Variants in IPO8 observed in about 807,000 individuals in gnomAD.
IPO8 encodes the protein importin 8.
In IPO8, 65 loss-of-function variants were observed where a neutral mutation model predicts 141.2. That is an observed-to-expected ratio of 0.46 (90% CI 0.38 to 0.57). The LOEUF (loss-of-function observed/expected upper bound fraction) is 0.57, where lower values mean the gene tolerates loss of function less well. Ranked by LOEUF, IPO8 falls within the 20% of genes least tolerant of loss-of-function variation. The pLI, the probability that IPO8 is intolerant of heterozygous loss-of-function variation, is 0.00. For synonymous variants in IPO8, 411 were observed against 420.3 expected, an observed-to-expected ratio of 0.98 and a Z score of 0.27; for missense variants, 980 against 1,246.8, an observed-to-expected ratio of 0.79 and a Z score of 3.22.
chr12:30,665,581 A>G (rs1472115179), intron 12 of IPO8, 148 bp downstream of exon 12: 3 of 627,782 alleles, frequency 4.8e-6, no homozygotes, highest in African/African-American at 1.8e-5. Context: ...CTTTTTAATT[A>G]AAGAAATAGA....
At position 30,694,863 on chromosome 12, in the gene IPO8, T is replaced by C. The variant is rs1014680557; in HGVS notation, c.84+701A>G. On this transcript the variant is annotated intron_variant, in intron 1 of 24. Coordinates refer to ENST00000256079, the MANE Select transcript of IPO8 (RefSeq NM_006390.4). ...GTTTGGGATCATTAAAATTTTGAAG[T>C]GTGGGGGTAACGCTGGAAAGACGTC... 3 of 383,298 alleles carry C rather than the reference T, an allele frequency of 7.8e-6. No individual in the cohort carries two copies. The Admixed American group carries it at 9.1e-5, about 12-fold the overall frequency. The allele number at this position is 383,298 out of a possible 1,614,324, so 23.7% of individuals were successfully genotyped here.
At chr12:30,675,663 TA>T (rs963221474) in intron 6 of IPO8, among the ~76,000 whole-genome samples, 39 of 127,140 alleles carry the variant, frequency 3.1e-4, no homozygotes, top group East Asian at 6.6e-4. Context: ...CTGTCTCTAC[TA>T]AAAAAAAAAA....
chr12:30,681,558 T>G (rs2053188619), intron 4 of IPO8, 101 bp downstream of exon 4: 9 of 1,080,214 alleles, frequency 8.3e-6, no homozygotes, highest in Non-Finnish European at 1.2e-5. Flanking sequence ...CAAACTAATC[T>G]GATAACCTGT....
At chr12:30,690,368 T>A in intron 2 of IPO8, 128 bp downstream of exon 2, 1 of 621,658 alleles carries the variant, frequency 1.6e-6, no homozygotes, top group Non-Finnish European at 2.8e-6. Flanking sequence ...TTGAAGTCAC[T>A]GGAAATACTT....
intron 5 of IPO8, among the ~76,000 whole-genome samples, chr12:30,679,135 G>A (rs768397473): frequency 5.3e-5 from 8 of 152,070 alleles, no homozygotes; most frequent in Admixed American, 1.3e-4. Context: ...CACTGCACCC[G>A]GCTGCTCATA....
chr12:30,632,027 A>T lies in IPO8; in HGVS notation c.2900-16T>A. The T allele has an allele frequency of 6.5e-7, 1 of 1,532,116 alleles. No individual in the cohort carries two copies. The highest frequency in any genetic ancestry group is 9.0e-7 in the Non-Finnish European group (1 of 1,109,786). 94.9% of individuals were successfully genotyped at this position (1,532,116 alleles called of 1,614,324 possible). ...CTCTGCACAGCTGTTGCATTTTGGG[A>T]GGAAAAGACAGGAGGGTACAGCGAC... On this transcript the variant is annotated splice_polypyrimidine_tract_variant and intron_variant, in intron 23 of 24. Coordinates refer to ENST00000256079, the MANE Select transcript of IPO8 (RefSeq NM_006390.4).
intron 23 of IPO8, 81 bp from the exon 24 acceptor site, chr12:30,632,092 A>C: frequency 1.1e-6 from 1 of 890,350 alleles, no homozygotes; most frequent in Non-Finnish European, 1.8e-6. Flanking sequence ...ATCAAATTAC[A>C]AAGAAATTAT....
At chr12:30,652,432 C>T (rs1048606716) in intron 18 of IPO8, 143 bp from the exon 19 acceptor site, 2 of 639,010 alleles carry the variant, frequency 3.1e-6, no homozygotes, top group Non-Finnish European at 5.6e-6. Context: ...AGTAATAAGT[C>T]TGATGTGTAT....
rs774062463 is a variant in IPO8 at position 30,666,175 on chromosome 12, CTCTTT to C, written c.1216_1220del (p.Lys406GlyfsTer19). 12 of 1,561,328 alleles carry C rather than the reference CTCTTT, an allele frequency of 7.7e-6. No individual in the cohort carries two copies. The highest frequency in any genetic ancestry group is 8.7e-6 in the Non-Finnish European group (10 of 1,153,190). ...GGATTTAAAAAGAAAAATGAAATACCTCTTTTCTTTTCTTTGCAGCAGTATATAAG... is the reference window on the plus strand; with the variant it reads ...GGATTTAAAAAGAAAAATGAAATACCTCTTTTCTTTGCAGCAGTATATAAG... On this transcript the variant is annotated frameshift_variant and splice_region_variant, in exon 11 of 25. Coordinates refer to ENST00000256079, the MANE Select transcript of IPO8 (RefSeq NM_006390.4). LOFTEE classifies it high-confidence loss of function.
At chr12:30,694,984 G>A in intron 1 of IPO8, 1 of 455,804 alleles carries the variant, frequency 2.2e-6, no homozygotes, top group South Asian at 1.6e-5. Flanking sequence ...TTACTTTGAT[G>A]TGTCTTAGAT....
chr12:30,695,456 C>T lies in IPO8; in HGVS notation c.84+108G>A, dbSNP rs993475259. On this transcript the variant is annotated intron_variant, in intron 1 of 24. Coordinates refer to ENST00000256079, the MANE Select transcript of IPO8 (RefSeq NM_006390.4). This position sits in a 1 kb window ranked among gnomAD's most constrained non-coding sequence, Gnocchi z 4.2. Reference sequence around the variant, plus strand: ...AGCGGGACCAGCCGTGAGGCGTCAGCCCCAGCCCGGTGGGGGTGAGGACGA... The same window carrying T: ...AGCGGGACCAGCCGTGAGGCGTCAGTCCCAGCCCGGTGGGGGTGAGGACGA... The T allele has an allele frequency of 5.3e-6, 5 of 947,262 alleles. No individual in the cohort carries two copies. Among genetic ancestry groups the T allele is most frequent in the Non-Finnish European group, 8.2e-6 (5 of 606,452 alleles). The allele number at this position is 947,262 out of a possible 1,614,324, so 58.7% of individuals were successfully genotyped here. A position where few individuals can be genotyped will look rare whatever the true frequency, so the allele number is the denominator to read the frequency against.
intron 8 of IPO8, 89 bp downstream of exon 8, chr12:30,673,901 A>T: frequency 1.5e-6 from 1 of 689,250 alleles, no homozygotes. Context: ...GTAATGAATT[A>T]GTATGTTTGT....
Position 30,663,549 on chromosome 12 carries a change from T to A in IPO8, c.1534A>T (p.Met512Leu), listed in dbSNP as rs781435494. Residue 512 changes from methionine to leucine, a missense_variant, in exon 14 of 25, where the codon ATG (methionine) becomes TTG (leucine). By Grantham distance (15) the Met-to-Leu change is conservative. Coordinates refer to ENST00000256079, the MANE Select transcript of IPO8 (RefSeq NM_006390.4). ...AKKSLIEDKE[M>L]PVKVEAALAL... ...AGGGCAGCTTCAACTTTGACAGGCATCTCTTTATCTTCAATCAGGCTCTTC... is the reference window on the plus strand; with the variant it reads ...AGGGCAGCTTCAACTTTGACAGGCAACTCTTTATCTTCAATCAGGCTCTTC... 8.7e-6 allele frequency: 14 copies of A among 1,613,880 alleles called. No homozygotes were observed. The highest frequency in any genetic ancestry group is 6.7e-5 in the East Asian group (3 of 44,858).
At position 30,681,691 on chromosome 12, in the gene IPO8, T is replaced by A; in HGVS notation, c.450A>T (p.Leu150Phe). The A allele has an allele frequency of 1.2e-6, 2 of 1,613,792 alleles. No individual in the cohort carries two copies. Among genetic ancestry groups the A allele is most frequent in the Non-Finnish European group, 1.7e-6 (2 of 1,179,724 alleles). ...SQSSASWLGSLLCLYQLVKTY... is the reference protein window; with the variant it reads ...SQSSASWLGSFLCLYQLVKTY... ...TCTTCACCAGTTGATACAGGCATAA[T>A]AAACTGCCAAGCCAGCTTGCACTGC... Residue 150 changes from leucine (L) to phenylalanine (F), a missense_variant, in exon 4 of 25, where the codon TTA (leucine) becomes TTT (phenylalanine). This residue lies in a region of IPO8 where 924 missense variants were observed against 1,153.9 expected (regional missense o/e 0.80). Coordinates refer to ENST00000256079, the MANE Select transcript of IPO8 (RefSeq NM_006390.4).
At chr12:30,678,091 C>T (rs1435030729) in intron 5 of IPO8, among the ~76,000 whole-genome samples, 1 of 147,172 alleles carries the variant, frequency 6.8e-6, no homozygotes. Flanking sequence ...TGCCACTGCA[C>T]TCCAGCCCGG....
chr12:30,667,158 T>C (rs751810555), intron 10 of IPO8, among the ~76,000 whole-genome samples: 1 of 152,240 alleles, frequency 6.6e-6, no homozygotes, highest in Non-Finnish European at 1.5e-5. Flanking sequence ...GTACTTACTC[T>C]GTGCCAAGCA....
chr12:30,652,124 G>T (rs180878663), intron 19 of IPO8, 68 bp downstream of exon 19: 7 of 813,476 alleles, frequency 8.6e-6, no homozygotes, highest in Non-Finnish European at 1.2e-5. Context: ...AACTGAAAAA[G>T]TATCCTGAAG....
intron 20 of IPO8, among the ~76,000 whole-genome samples, chr12:30,645,981 A>T (rs1168397855): frequency 6.6e-6 from 1 of 152,174 alleles, no homozygotes; most frequent in Non-Finnish European, 1.5e-5. Context: ...GAACAAAGAG[A>T]AAGGATGAAC....
chr12:30,688,490 T>G, intron 2 of IPO8: 1 of 383,612 alleles, frequency 2.6e-6, no homozygotes, highest in Non-Finnish European at 5.0e-6. Context: ...CAGGCTTTCT[T>G]TTAAAGCAAA....
Sources: allele counts gnomAD v4.1 joint callset (sites outside exome capture counted in the v4.1 genomes callset), GRCh38; gene constraint gnomAD v4.1.1; regional missense constraint gnomAD v4.1.1; non-coding constraint Gnocchi (gnomAD v3.1); transcripts MANE v1.5; gene names NCBI Gene and HGNC (gene_info 2026-07-23, HGNC 2026-07-21).